Variants in KHDRBS3 observed in about 807,000 individuals in gnomAD.
KHDRBS3 encodes KH domain-containing, RNA-binding, signal transduction-associated protein 3.
KHDRBS3 carries 23 observed loss-of-function variants against 45.6 expected under a neutral mutation model. The ratio of observed to expected loss-of-function variants is 0.50; its 90% CI spans 0.36 to 0.72. The LOEUF is 0.72. KHDRBS3 is among the 30% of genes least tolerant of loss of function. The pLI is 0.00. For missense variants in KHDRBS3, 352 were observed against 424.8 expected, an observed-to-expected ratio of 0.83 and a Z score of 1.51; for synonymous variants, 162 against 156.5, an observed-to-expected ratio of 1.04 and a Z score of -0.26.
chr8:135,642,108 G>A (rs557566853), intron 7 of KHDRBS3, among the ~76,000 whole-genome samples: 4 of 152,302 alleles, frequency 2.6e-5, no homozygotes, highest in African/African-American at 9.6e-5. Context: ...CTGTTTCTGA[G>A]CATGAGGAAG....
At chr8:135,533,963 A>T (rs1308904007) in intron 2 of KHDRBS3, among the ~76,000 whole-genome samples, 1 of 152,196 alleles carries the variant, frequency 6.6e-6, no homozygotes, top group Non-Finnish European at 1.5e-5. Context: ...AAAAACCAGA[A>T]TGGTCGTATG....
At chr8:135,597,619 C>G (rs139972086) in intron 6 of KHDRBS3, among the ~76,000 whole-genome samples, 2 of 152,120 alleles carry the variant, frequency 1.3e-5, no homozygotes, top group East Asian at 1.9e-4. Context: ...CTCTGCTTCC[C>G]CATGAGGACA....
intron 1 of KHDRBS3, among the ~76,000 whole-genome samples, chr8:135,520,368 CA>C (rs1824846291): frequency 6.6e-6 from 1 of 152,122 alleles, no homozygotes; most frequent in Non-Finnish European, 1.5e-5. Context: ...CTTGTGCAAC[CA>C]AATACTATGG....
At chr8:135,649,153 G>A (rs1383285497), downstream of KHDRBS3, among the ~76,000 whole-genome samples, 3 of 152,038 alleles carry the variant, frequency 2.0e-5, no homozygotes, top group Non-Finnish European at 4.4e-5. Flanking sequence ...TAAAGGAAAA[G>A]TATTATTATT....
intron 6 of KHDRBS3, among the ~76,000 whole-genome samples, chr8:135,605,204 T>C (rs1829403431): frequency 6.6e-6 from 1 of 152,064 alleles, no homozygotes. Flanking sequence ...TCAGCCATCG[T>C]TTCTCAAAAT....
chr8:135,600,901 G>T (rs571807609), intron 6 of KHDRBS3, among the ~76,000 whole-genome samples: 2 of 152,128 alleles, frequency 1.3e-5, no homozygotes, highest in African/African-American at 4.8e-5. Flanking sequence ...AGATTTCTCC[G>T]TGTTGCCTAG....
chr8:135,646,956 G>T (rs1482463334), intron 8 of KHDRBS3, 37 bp from the exon 9 acceptor site: 2 of 1,090,072 alleles, frequency 1.8e-6, no homozygotes, highest in East Asian at 4.7e-5. Context: ...GGGATTCATG[G>T]CAGTGATCTA....
At chr8:135,518,493 A>C (rs189196668) in intron 1 of KHDRBS3, among the ~76,000 whole-genome samples, 64 of 152,270 alleles carry the variant, frequency 4.2e-4, no homozygotes, top group Non-Finnish European at 7.2e-4. Context: ...TTGTCAATTG[A>C]AAAGGAGGCA....
At chr8:135,585,830 C>T (rs1025890978) in intron 6 of KHDRBS3, among the ~76,000 whole-genome samples, 3 of 152,118 alleles carry the variant, frequency 2.0e-5, no homozygotes, top group Non-Finnish European at 4.4e-5. Context: ...AGTAAATGTT[C>T]GTTGGACTGA....
chr8:135,631,711 T>C (rs548372382), intron 7 of KHDRBS3, among the ~76,000 whole-genome samples: 2 of 152,334 alleles, frequency 1.3e-5, no homozygotes, highest in African/African-American at 4.8e-5. Flanking sequence ...GCAGGTCCTT[T>C]AGGAGGTAAC....
intron 5 of KHDRBS3, among the ~76,000 whole-genome samples, chr8:135,575,762 A>G (rs142901934): frequency 8.9e-4 from 135 of 152,328 alleles, no homozygotes; most frequent in Admixed American, 3.1e-3. Context: ...CTCTATTATT[A>G]ACATCTTACA....
chr8:135,488,390 G>C (rs1822974204), intron 1 of KHDRBS3, among the ~76,000 whole-genome samples: 1 of 152,052 alleles, frequency 6.6e-6, no homozygotes, highest in Non-Finnish European at 1.5e-5. Flanking sequence ...TCATTTACTG[G>C]GATGTTAAAA....
rs540822755 is a variant in KHDRBS3, at chr8:135,464,303, G to A, written c.88+6349G>A. 2.6e-5 allele frequency among the ~76,000 whole-genome samples: 4 copies of A among 152,096 alleles called. No homozygotes were observed. In the South Asian group the frequency reaches 6.2e-4, roughly 24 times the overall value. ...CACTTTTTTTTCTCCTGTGCTCTCC[G>A]GCAGTCTTCAGTAGGCATTCAAAGT... On this transcript the variant is annotated intron_variant, in intron 1 of 8. Coordinates refer to ENST00000355849, the MANE Select transcript of KHDRBS3 (RefSeq NM_006558.3).
At chr8:135,483,559 C>G (rs1822695784) in intron 1 of KHDRBS3, among the ~76,000 whole-genome samples, 1 of 152,166 alleles carries the variant, frequency 6.6e-6, no homozygotes, top group Admixed American at 6.5e-5. Context: ...CAGATTCGTA[C>G]TCTGAGTTTG....
chr8:135,580,433 A>C (rs758965226), intron 5 of KHDRBS3, among the ~76,000 whole-genome samples: 1 of 152,210 alleles, frequency 6.6e-6, no homozygotes, highest in Non-Finnish European at 1.5e-5. Flanking sequence ...AATAGACATA[A>C]GCCCATTCAG....
At chr8:135,493,826 G>A (rs748131190) in intron 1 of KHDRBS3, among the ~76,000 whole-genome samples, 17 of 152,156 alleles carry the variant, frequency 1.1e-4, no homozygotes, top group Non-Finnish European at 1.6e-4. Flanking sequence ...TATTCTGGAA[G>A]AGTTTGTGTA....
In KHDRBS3 at chr8:135,521,326, G is replaced by T. The variant is rs1824895807; in HGVS notation, c.178G>T (p.Val60Leu). The change falls in exon 2 of 9, where the codon GTG (valine) becomes TTG (leucine). Residue 60 changes from valine (V) to leucine (L), a missense_variant. By Grantham distance (32) the Val-to-Leu change is conservative (BLOSUM62 1). This residue lies in a region of KHDRBS3 where 9 missense variants were observed against 36.5 expected (regional missense o/e 0.25). Transcript: ENST00000355849. ...TAAGAACATGAAGCTGGGACAGAAA[G>T]TGTTAATTCCCGTAAAACAGTTCCC... is the stretch of plus-strand genomic sequence containing the variant. ...INKNMKLGQK[V>L]LIPVKQFPKF... The T allele has an allele frequency of 6.2e-7, 1 of 1,611,290 alleles. No homozygotes were observed. Among genetic ancestry groups the T allele is most frequent in the Non-Finnish European group, 8.5e-7 (1 of 1,177,522 alleles).
At position 135,646,988 on chromosome 8, in the gene KHDRBS3, T is replaced by G; in HGVS notation, c.950-5T>G. ...TCTAATTGTGATTCATCTTACTGAT[T>G]GTAGGGCAAGAAGAGTGGACTAACT... On this transcript the variant is annotated splice_region_variant and splice_polypyrimidine_tract_variant and intron_variant, in intron 8 of 8. Transcript: ENST00000355849. 6.5e-7 allele frequency: 1 copy of G among 1,530,998 alleles called. No homozygotes were observed. The allele number at this position is 1,530,998 out of a possible 1,614,324, so 94.8% of individuals were successfully genotyped here.
chr8:135,615,152 A>G (rs2131062367), intron 7 of KHDRBS3, among the ~76,000 whole-genome samples: 1 of 151,800 alleles, frequency 6.6e-6, no homozygotes, highest in East Asian at 1.9e-4. Context: ...CTGGCTCAGC[A>G]AGGTTCTTTT....
Sources: gnomAD v4.1 joint callset for allele counts (sites outside exome capture counted in the v4.1 genomes callset) on GRCh38, gnomAD v4.1.1 for gene constraint, gnomAD v4.1.1 regional missense constraint, MANE v1.5 for transcripts, NCBI Gene and HGNC (gene_info 2026-07-23, HGNC 2026-07-21) for gene names.